The following PTPRG variants were observed in gnomAD, a reference collection of about 807,000 sequenced individuals.
PTPRG encodes protein tyrosine phosphatase receptor type G, also known as receptor-type tyrosine-protein phosphatase gamma.
PTPRG carries 102 observed loss-of-function variants against 165.3 expected under a neutral mutation model. The ratio of observed to expected loss-of-function variants is 0.62; its 90% CI spans 0.53 to 0.73. PTPRG has a LOEUF of 0.73. PTPRG is among the 30% of genes least tolerant of loss of function. The pLI is 0.00. For synonymous variants in PTPRG, 675 were observed against 669.5 expected, an observed-to-expected ratio of 1.01 and a Z score of -0.13; for missense variants, 1,866 against 1,861.4, an observed-to-expected ratio of 1.00 and a Z score of -0.05.
At chr3:62,058,069 T>C (rs1186690870) in intron 4 of PTPRG, among the ~76,000 whole-genome samples, 1 of 152,174 alleles carries the variant, frequency 6.6e-6, no homozygotes, top group Non-Finnish European at 1.5e-5. Flanking sequence ...ACCAGAGACC[T>C]CTTTGAAAAC....
At chr3:61,575,822 G>C (rs1700163303) in intron 1 of PTPRG, among the ~76,000 whole-genome samples, 1 of 151,984 alleles carries the variant, frequency 6.6e-6, no homozygotes. Context: ...TGTTGGCCAG[G>C]CTGGTCTCGA....
chr3:62,133,007 C>T (rs1703573403), intron 6 of PTPRG, among the ~76,000 whole-genome samples: 1 of 152,162 alleles, frequency 6.6e-6, no homozygotes. Flanking sequence ...GTCTTTTCAC[C>T]TATAAATGTT....
Position 62,297,111 on chromosome 3 carries a change from AT to A in PTPRG, c.*3808del. ...GCTAAAAATCATTAAAACTGTAAAT[AT>A]TTTGTTGCTTGGGTAAGCATCTTCT... On this transcript the variant is annotated 3_prime_UTR_variant, in exon 30 of 30. Transcript: ENST00000474889. 6.6e-6 allele frequency: 1 copy of A among 152,142 alleles called. No individual in the cohort carries two copies. The highest frequency in any genetic ancestry group is 2.1e-4 in the South Asian group (1 of 4,824). 9.4% of individuals were successfully genotyped at this position (152,142 alleles called of 1,614,324 possible).
intron 4 of PTPRG, among the ~76,000 whole-genome samples, chr3:62,074,352 C>CTTTCTTTCT (rs1701310935): frequency 1.0e-4 from 11 of 109,112 alleles, no homozygotes; most frequent in African/African-American, 4.2e-4. Flanking sequence ...TCTTTTCTTT[C>CTTTCTTTCT]TTTTTTTTTT....
intron 1 of PTPRG, among the ~76,000 whole-genome samples, chr3:61,608,433 T>C (rs1559522148): frequency 1.3e-5 from 2 of 152,180 alleles, no homozygotes; most frequent in African/African-American, 2.4e-5. Context: ...TGCTGGGCCC[T>C]TCCGTGGAGA....
chr3:62,200,595 TTC>T (rs1258736667), intron 10 of PTPRG, among the ~76,000 whole-genome samples: 8 of 152,204 alleles, frequency 5.3e-5, no homozygotes, highest in African/African-American at 1.9e-4. Flanking sequence ...AGATGATAAA[TTC>T]TGTCATGTAT....
intron 2 of PTPRG, among the ~76,000 whole-genome samples, chr3:61,814,892 C>T (rs970862968): frequency 6.6e-6 from 1 of 151,852 alleles, no homozygotes; most frequent in African/African-American, 2.4e-5. Flanking sequence ...TATCAGGAAG[C>T]TAGCAGTTTT....
chr3:62,129,683 TC>T (rs1181896208), intron 5 of PTPRG, among the ~76,000 whole-genome samples: 1 of 152,164 alleles, frequency 6.6e-6, no homozygotes, highest in African/African-American at 2.4e-5. Context: ...AGGTCCTACT[TC>T]TCAACACTGT....
chr3:62,290,046 A>C lies in PTPRG; in HGVS notation c.4056-2375A>C, dbSNP rs549351253. Among the ~76,000 whole-genome samples, 49 of 152,282 alleles carry C rather than the reference A, an allele frequency of 3.2e-4. No homozygotes were observed. In the South Asian group the frequency reaches 9.5e-3, roughly 30 times the overall value. On this transcript the variant is annotated intron_variant, in intron 28 of 29. Transcript: ENST00000474889. ...TGACCGGATACAATTTCACCATGTG[A>C]AAATCAGTAACCTTCCCATGCATGA...
chr3:62,267,406 A>G lies in PTPRG; in HGVS notation c.2657-4A>G, dbSNP rs1232402146. 5 of 1,588,672 alleles carry G rather than the reference A, an allele frequency of 3.1e-6. No homozygotes were observed. Among genetic ancestry groups the G allele is most frequent in the African/African-American group, 1.4e-5 (1 of 73,766 alleles). On this transcript the variant is annotated splice_region_variant and splice_polypyrimidine_tract_variant and intron_variant, in intron 17 of 29. Transcript: ENST00000474889. ...TTTCTGTTTTTTTTTCTTATCTTCT[A>G]TAGATGATCACAGTAGGGTGAAGTT...
At chr3:61,908,086 T>C (rs1285842751) in intron 2 of PTPRG, among the ~76,000 whole-genome samples, 3 of 122,956 alleles carry the variant, frequency 2.4e-5, no homozygotes, top group Non-Finnish European at 4.8e-5. Flanking sequence ...GTGCCACTGC[T>C]CCAGCCTGGG....
At position 61,628,808 on chromosome 3, in the gene PTPRG, C is replaced by T. The variant is rs139764862; in HGVS notation, c.85+66436C>T. ...ACTGCTTATTTATTCATCCACAAAT[C>T]CTGCAAGATAAGAATCACCCCTATT... On this transcript the variant is annotated intron_variant, in intron 1 of 29. Coordinates refer to ENST00000474889, the MANE Select transcript of PTPRG (RefSeq NM_002841.4). Among the ~76,000 whole-genome samples, 377 of 152,232 alleles carry T rather than the reference C, an allele frequency of 2.5e-3. 1 individual carries two copies. Among genetic ancestry groups the T allele is most frequent in the African/African-American group, 8.8e-3 (365 of 41,548 alleles).
rs72874788 is a variant in PTPRG at position 61,641,192 on chromosome 3, G to A, written c.85+78820G>A. Among the ~76,000 whole-genome samples, 970 of 151,892 alleles carry A rather than the reference G, an allele frequency of 6.4e-3. 13 individuals carry two copies. The highest frequency in any genetic ancestry group is 0.022 in the African/African-American group (897 of 41,420). On this transcript the variant is annotated intron_variant, in intron 1 of 29. Transcript: ENST00000474889. Reference sequence around the variant, plus strand: ...TAAAATTCCTACCTCCCCCTCCACCGTTCCTTCCTCCTCCTCTCTCCAGAT... The same window carrying A: ...TAAAATTCCTACCTCCCCCTCCACCATTCCTTCCTCCTCCTCTCTCCAGAT...
intron 2 of PTPRG, among the ~76,000 whole-genome samples, chr3:61,988,373 T>C (rs2040809409): frequency 1.3e-5 from 2 of 152,082 alleles, no homozygotes; most frequent in African/African-American, 4.8e-5. Context: ...CTGTTACCAG[T>C]TTGGGGGGAA....
chr3:62,127,647 G>C (rs1703349052), intron 5 of PTPRG, among the ~76,000 whole-genome samples: 1 of 152,218 alleles, frequency 6.6e-6, no homozygotes, highest in Non-Finnish European at 1.5e-5. Context: ...AGCTGGCGGT[G>C]TCGGATTCAA....
rs762780719 is a variant in PTPRG at position 62,293,211 on chromosome 3, A to G, written c.4242A>G (p.Lys1414=). The G allele has an allele frequency of 3.7e-6, 6 of 1,611,294 alleles. No individual in the cohort carries two copies. The highest frequency in any genetic ancestry group is 4.2e-6 in the Non-Finnish European group (5 of 1,178,966). Reference sequence around the variant, plus strand: ...CAATGCTTAGCTTGGTCAGCACTAAAGAAAATGGAAATGGTCCCATGACAG... The same window carrying G: ...CAATGCTTAGCTTGGTCAGCACTAAGGAAAATGGAAATGGTCCCATGACAG... The part of the protein sequence containing the change: ...YKAMLSLVST[K]ENGNGPMTVD... Residue 1414 remains lysine (K), a synonymous_variant, in exon 30 of 30, where the codon AAA becomes AAG. Coordinates refer to ENST00000474889, the MANE Select transcript of PTPRG (RefSeq NM_002841.4).
Position 62,157,443 on chromosome 3 carries a change from A to G in PTPRG, c.840+219A>G, listed in dbSNP as rs560449357. Among the ~76,000 whole-genome samples, 122 of 152,320 alleles carry G rather than the reference A, an allele frequency of 8.0e-4. 1 individual carries two copies. Among genetic ancestry groups the G allele is most frequent in the Non-Finnish European group, 1.5e-3 (102 of 68,024 alleles). ...AAATGAAATTAACTCACTAAAGAGA[A>G]TTGCACTCATGAAATCTGAGTATTG... On this transcript the variant is annotated intron_variant, in intron 7 of 29. Coordinates refer to ENST00000474889, the MANE Select transcript of PTPRG (RefSeq NM_002841.4).
At chr3:62,009,711 C>A (rs993088277) in intron 4 of PTPRG, among the ~76,000 whole-genome samples, 14 of 152,128 alleles carry the variant, frequency 9.2e-5, no homozygotes, top group Non-Finnish European at 1.8e-4. Flanking sequence ...CACATAAAGG[C>A]CTTGCACAGT....
At chr3:61,749,363 C>G (rs901636297) in intron 2 of PTPRG, 1 of 349,300 alleles carries the variant, frequency 2.9e-6, no homozygotes, top group Admixed American at 4.3e-5. Context: ...CTAAACATTA[C>G]AAACATCACA....
Sources: gnomAD v4.1 joint callset for allele counts (sites outside exome capture counted in the v4.1 genomes callset) on GRCh38, gnomAD v4.1.1 for gene constraint, MANE v1.5 for transcripts, NCBI Gene and HGNC (gene_info 2026-07-23, HGNC 2026-07-21) for gene names.